The following RORB variants were observed in gnomAD, a reference collection of about 807,000 sequenced individuals.
RORB encodes the protein nuclear receptor ROR-beta.
In RORB, 6 loss-of-function variants were observed where a neutral mutation model predicts 59.1. That is an observed-to-expected ratio of 0.10 (90% CI 0.06 to 0.20). The LOEUF is 0.20. RORB is among the 10% of genes least tolerant of loss of function. The pLI, the probability that RORB is intolerant of heterozygous loss-of-function variation, is 1.00. For synonymous variants in RORB, 215 were observed against 204.5 expected (o/e 1.05, Z -0.44); for missense variants, 320 against 560.5 (o/e 0.57, Z 4.33).
At chr9:74,532,574 G>C (rs542367322) in intron 1 of RORB, among the ~76,000 whole-genome samples, 75 of 151,832 alleles carry the variant, frequency 4.9e-4, no homozygotes, top group African/African-American at 1.7e-3. Context: ...ATGTTCAGGA[G>C]ACCCTTAGTA....
intron 5 of RORB, among the ~76,000 whole-genome samples, chr9:74,660,968 A>T (rs1260307207): frequency 3.3e-5 from 5 of 152,194 alleles, no homozygotes; most frequent in Non-Finnish European, 7.4e-5. Flanking sequence ...GTTTCCAAGG[A>T]GGCAAAACTA....
At chr9:74,509,721 C>T (rs866954358) in intron 1 of RORB, among the ~76,000 whole-genome samples, 3 of 152,092 alleles carry the variant, frequency 2.0e-5, no homozygotes, top group Non-Finnish European at 4.4e-5. Context: ...GAGACTGGAA[C>T]TCTCATCAAC....
At chr9:74,553,290 G>C (rs1240386070) in intron 1 of RORB, among the ~76,000 whole-genome samples, 1 of 151,944 alleles carries the variant, frequency 6.6e-6, no homozygotes, top group Non-Finnish European at 1.5e-5. Flanking sequence ...TTTACATTTT[G>C]GTTCTGTTTC....
intron 7 of RORB, among the ~76,000 whole-genome samples, chr9:74,666,351 C>T (rs1824264593): frequency 6.6e-6 from 1 of 151,434 alleles, no homozygotes; most frequent in Non-Finnish European, 1.5e-5. Context: ...GTCCCAGCTA[C>T]TTGGGAGGCT....
Position 74,579,241 on chromosome 9 carries a change from T to C in RORB, c.8-51041T>C, listed in dbSNP as rs932607479. On this transcript the variant is annotated intron_variant, in intron 1 of 9. Coordinates refer to ENST00000376896, the MANE Select transcript of RORB (RefSeq NM_006914.4). ...AATGAACATAGAATTTTAAACTAAA[T>C]AGATATTAAGTGCTGGACAGTAGCA... Among the ~76,000 whole-genome samples, 9 of 152,134 alleles carry C rather than the reference T, an allele frequency of 5.9e-5. 1 individual carries two copies. The South Asian group carries it at 1.7e-3, about 28-fold the overall frequency.
intron 8 of RORB, among the ~76,000 whole-genome samples, chr9:74,668,554 A>G (rs1810364445): frequency 6.6e-6 from 1 of 152,220 alleles, no homozygotes; most frequent in Non-Finnish European, 1.5e-5. Flanking sequence ...CTGATCACAT[A>G]AACAGTCGAT....
intron 1 of RORB, among the ~76,000 whole-genome samples, chr9:74,547,907 G>T (rs955344732): frequency 6.6e-6 from 1 of 152,192 alleles, no homozygotes; most frequent in Admixed American, 6.5e-5. Flanking sequence ...CTGAAAGGAG[G>T]CAAGTAAGAA....
intron 1 of RORB, among the ~76,000 whole-genome samples, chr9:74,515,355 C>G (rs1320145621): frequency 6.6e-6 from 1 of 151,630 alleles, no homozygotes; most frequent in African/African-American, 2.4e-5. Flanking sequence ...AACTGGAATT[C>G]AGACCCAGGC....
chr9:74,503,909 G>A (rs1395175485), intron 1 of RORB, among the ~76,000 whole-genome samples: 1 of 152,014 alleles, frequency 6.6e-6, no homozygotes, highest in African/African-American at 2.4e-5. Flanking sequence ...AATTCTTAAT[G>A]AGGGAAACCA....
intron 4 of RORB, among the ~76,000 whole-genome samples, chr9:74,651,193 C>T (rs1026379080): frequency 6.6e-6 from 1 of 152,144 alleles, no homozygotes; most frequent in African/African-American, 2.4e-5. Flanking sequence ...TATACTCTCA[C>T]CTTCTGTAAC....
chr9:74,583,605 CAG>C (rs949515910), intron 1 of RORB, among the ~76,000 whole-genome samples: 1 of 151,834 alleles, frequency 6.6e-6, no homozygotes, highest in African/African-American at 2.4e-5. Context: ...TTCAATCAAA[CAG>C]ATTTCCAAAA....
chr9:74,566,724 G>A (rs1822475263), intron 1 of RORB, among the ~76,000 whole-genome samples: 1 of 152,214 alleles, frequency 6.6e-6, no homozygotes, highest in Non-Finnish European at 1.5e-5. Flanking sequence ...TTGAATCCAG[G>A]AGGTGGAGGT....
intron 1 of RORB, among the ~76,000 whole-genome samples, chr9:74,603,216 G>A (rs1052455628): frequency 3.3e-5 from 5 of 152,184 alleles, no homozygotes; most frequent in Non-Finnish European, 7.3e-5. Flanking sequence ...CCAACCTTCA[G>A]TGATGAAGAA....
intron 1 of RORB, among the ~76,000 whole-genome samples, chr9:74,580,349 G>C (rs558262122): frequency 1.3e-5 from 2 of 152,218 alleles, no homozygotes; most frequent in South Asian, 4.1e-4. Flanking sequence ...ATGGTAATTT[G>C]CTAACCCAAT....
chr9:74,679,049 A>G (rs1824494591), intron 9 of RORB, among the ~76,000 whole-genome samples: 1 of 148,292 alleles, frequency 6.7e-6, no homozygotes, highest in Non-Finnish European at 1.5e-5. Flanking sequence ...AAAAACAAAA[A>G]CAAACAAACA....
chr9:74,589,479 C>G (rs1587372808), intron 1 of RORB, among the ~76,000 whole-genome samples: 1 of 152,262 alleles, frequency 6.6e-6, no homozygotes, highest in East Asian at 1.9e-4. Context: ...ACCTATGAGA[C>G]AGTGGGCAAG....
At chr9:74,681,394 T>C (rs1824545268) in intron 9 of RORB, among the ~76,000 whole-genome samples, 1 of 152,226 alleles carries the variant, frequency 6.6e-6, no homozygotes. Flanking sequence ...TCCAGAGTGA[T>C]GGATGCCCCT....
chr9:74,527,024 C>T (rs1157982997), intron 1 of RORB, among the ~76,000 whole-genome samples: 1 of 151,942 alleles, frequency 6.6e-6, no homozygotes, highest in Non-Finnish European at 1.5e-5. Flanking sequence ...GATAGATTTA[C>T]AGCTACTCTC....
chr9:74,568,073 C>T (rs1667438822), intron 1 of RORB, among the ~76,000 whole-genome samples: 1 of 152,168 alleles, frequency 6.6e-6, no homozygotes, highest in East Asian at 1.9e-4. Flanking sequence ...ATTCTTCCTG[C>T]TGTCAATATT....
Sources: allele counts gnomAD v4.1 joint callset (sites outside exome capture counted in the v4.1 genomes callset), GRCh38; gene constraint gnomAD v4.1.1; transcripts MANE v1.5; gene names NCBI Gene and HGNC (gene_info 2026-07-23, HGNC 2026-07-21).